Variants in LRRC72 observed in about 807,000 individuals in gnomAD.
The protein encoded by LRRC72 is leucine rich repeat containing 72, also known as leucine-rich repeat-containing protein 72.
LRRC72 carries 41 observed loss-of-function variants against 35.8 expected under a neutral mutation model. The observed-to-expected ratio is 1.15, with a 90% CI of 0.89 to 1.49. The LOEUF (loss-of-function observed/expected upper bound fraction) is 1.49, where lower values mean the gene tolerates loss of function less well. LRRC72 is among the 40% of genes most tolerant of loss of function. The pLI, the probability that LRRC72 is intolerant of heterozygous loss-of-function variation, is 0.00. For missense variants in LRRC72, 389 were observed against 330.7 expected, an observed-to-expected ratio of 1.18 and a Z score of -1.37; for synonymous variants, 118 against 119.2, an observed-to-expected ratio of 0.99 and a Z score of 0.07.
intron 5 of LRRC72, among the ~76,000 whole-genome samples, chr7:16,565,157 T>C (rs1393934054): frequency 6.6e-6 from 1 of 152,152 alleles, no homozygotes; most frequent in Non-Finnish European, 1.5e-5. Flanking sequence ...TAACTAAAGA[T>C]TACTGGCCAG....
intron 5 of LRRC72, among the ~76,000 whole-genome samples, chr7:16,562,305 A>C (rs1469526149): frequency 1.3e-5 from 2 of 152,124 alleles, no homozygotes; most frequent in East Asian, 3.9e-4. Flanking sequence ...TCAAAGACCC[A>C]CTTTGTGGCT....
chr7:16,565,242 T>G (rs369665764), intron 5 of LRRC72, among the ~76,000 whole-genome samples: 12 of 152,260 alleles, frequency 7.9e-5, no homozygotes, highest in East Asian at 3.9e-4. Flanking sequence ...AGACCAGCCT[T>G]GCCAACATGG....
chr7:16,559,397 A>G (rs1400180652), intron 5 of LRRC72, among the ~76,000 whole-genome samples: 1 of 150,888 alleles, frequency 6.6e-6, no homozygotes. Flanking sequence ...CTGTCTCAGA[A>G]AAAAAAAAAA....
chr7:16,546,986 C>A (rs1023285515), intron 3 of LRRC72, among the ~76,000 whole-genome samples: 1 of 152,172 alleles, frequency 6.6e-6, no homozygotes, highest in Non-Finnish European at 1.5e-5. Context: ...AGGAGCAGCT[C>A]TGGGAGCAGC....
chr7:16,561,825 G>C (rs2128337677), intron 5 of LRRC72, among the ~76,000 whole-genome samples: 3 of 152,322 alleles, frequency 2.0e-5, no homozygotes, highest in Middle Eastern at 6.8e-3. Context: ...CATGTCCTCA[G>C]ATTAAGTTTC....
chr7:16,567,567 A>AC, intron 7 of LRRC72, 24 bp downstream of exon 7: 2 of 1,415,538 alleles, frequency 1.4e-6, no homozygotes, highest in Non-Finnish European at 1.9e-6. Context: ...AAAAAAAAAA[A>AC]AACAAATTTA....
intron 3 of LRRC72, among the ~76,000 whole-genome samples, chr7:16,554,841 T>G (rs1217854974): frequency 6.6e-6 from 1 of 152,206 alleles, no homozygotes; most frequent in East Asian, 1.9e-4. Flanking sequence ...TTCTTCTTGT[T>G]TTAATGAGCA....
intron 5 of LRRC72, among the ~76,000 whole-genome samples, chr7:16,560,143 G>A (rs1311353337): frequency 6.6e-6 from 1 of 152,102 alleles, no homozygotes; most frequent in Non-Finnish European, 1.5e-5. Flanking sequence ...TCAACGAGTA[G>A]GTTTTCAGAC....
chr7:16,536,262 T>A (rs534732502), intron 2 of LRRC72, among the ~76,000 whole-genome samples: 5 of 152,138 alleles, frequency 3.3e-5, no homozygotes, highest in Admixed American at 2.6e-4. Flanking sequence ...ATGCAATGCA[T>A]GAATGTTAAT....
chr7:16,571,996 C>A (rs558735292), intron 7 of LRRC72, among the ~76,000 whole-genome samples: 32 of 152,284 alleles, frequency 2.1e-4, no homozygotes, highest in Admixed American at 1.1e-3. Context: ...CTGGGTCGCC[C>A]GAGCTTGGTG....
chr7:16,578,177 A>G (rs1184694924), intron 7 of LRRC72, among the ~76,000 whole-genome samples: 1 of 152,258 alleles, frequency 6.6e-6, no homozygotes, highest in Non-Finnish European at 1.5e-5. Flanking sequence ...TTTGTATAAT[A>G]CAAACTATTC....
chr7:16,570,612 A>G (rs934550731), intron 7 of LRRC72, among the ~76,000 whole-genome samples: 5 of 152,150 alleles, frequency 3.3e-5, no homozygotes, highest in Non-Finnish European at 7.3e-5. Context: ...TGAGGTCAGG[A>G]GTTTGAGACC....
rs987042768 is a variant in LRRC72 at position 16,526,901 on chromosome 7, C to G, written c.-52C>G. The G allele has an allele frequency of 4.2e-6, 6 of 1,437,004 alleles. No homozygotes were observed. In the African/African-American group the frequency reaches 7.0e-5, roughly 17 times the overall value. The allele number at this position is 1,437,004 out of a possible 1,614,324, so 89.0% of individuals were successfully genotyped here. A position where few individuals can be genotyped will look rare whatever the true frequency, so the allele number is the denominator to read the frequency against. On this transcript the variant is annotated 5_prime_UTR_variant, in exon 1 of 9. Coordinates refer to ENST00000401542, the MANE Select transcript of LRRC72 (RefSeq NM_001195280.2). ...AAGCCAAGTCTCTCTTCGGTGCCAC[C>G]GGCGGGCGAGGCCGGATTAATCACC...
intron 5 of LRRC72, among the ~76,000 whole-genome samples, chr7:16,559,214 C>T (rs1316147521): frequency 1.3e-5 from 2 of 151,992 alleles, no homozygotes; most frequent in African/African-American, 4.8e-5. Context: ...AGCAACATGG[C>T]AAAACCCTGC....
chr7:16,554,854 G>T (rs1477159749), intron 3 of LRRC72, among the ~76,000 whole-genome samples: 1 of 152,178 alleles, frequency 6.6e-6, no homozygotes, highest in African/African-American at 2.4e-5. Context: ...AATGAGCAAC[G>T]CAAGAGAAAT....
At chr7:16,578,033 G>C (rs1473382792) in intron 7 of LRRC72, among the ~76,000 whole-genome samples, 1 of 152,280 alleles carries the variant, frequency 6.6e-6, no homozygotes, top group African/African-American at 2.4e-5. Flanking sequence ...CCCTACAGAA[G>C]TGCTTGCACA....
At chr7:16,576,943 CAA>C (rs1281335416) in intron 7 of LRRC72, among the ~76,000 whole-genome samples, 1 of 152,070 alleles carries the variant, frequency 6.6e-6, no homozygotes, top group Admixed American at 6.5e-5. Flanking sequence ...AGCAATTCAC[CAA>C]AGAGTGCACC....
At chr7:16,554,693 A>T (rs1782618716) in intron 3 of LRRC72, among the ~76,000 whole-genome samples, 1 of 151,980 alleles carries the variant, frequency 6.6e-6, no homozygotes, top group Non-Finnish European at 1.5e-5. Context: ...CTTTGACTCC[A>T]CTCCATCTCC....
chr7:16,553,993 C>A lies in LRRC72; in HGVS notation c.235-3367C>A, dbSNP rs191396478. Among the ~76,000 whole-genome samples the A allele has an allele frequency of 7.4e-4, 112 of 152,248 alleles. 1 individual carries two copies. In the East Asian group the frequency reaches 0.019, roughly 26 times the overall value. ...ACTTAATATAAATCCTACAGCAATC[C>A]TGGGAATCAGTAATATAGATTTCTC... On this transcript the variant is annotated intron_variant, in intron 3 of 8. Transcript: ENST00000401542.
Sources: gnomAD v4.1 joint callset for allele counts (sites outside exome capture counted in the v4.1 genomes callset) on GRCh38, gnomAD v4.1.1 for gene constraint, MANE v1.5 for transcripts, NCBI Gene and HGNC (gene_info 2026-07-23, HGNC 2026-07-21) for gene names.